The following TMEM25 variants were observed in gnomAD, a reference collection of about 807,000 sequenced individuals.
The protein encoded by TMEM25 is 0610039J01Rik.
Under a neutral mutation model 37.0 loss-of-function variants are expected in TMEM25, and 36 were observed. That is an observed-to-expected ratio of 0.97 (90% CI 0.75 to 1.28). TMEM25 has a LOEUF of 1.28. Among genes scored for constraint, TMEM25 ranks in the 50% most tolerant of loss-of-function variants. The pLI is 0.00. For missense variants in TMEM25, 444 were observed against 477.9 expected, an observed-to-expected ratio of 0.93 and a Z score of 0.66; for synonymous variants, 197 against 203.7, an observed-to-expected ratio of 0.97 and a Z score of 0.28.
chr11:118,531,455 G>T, intron 1 of TMEM25: 1 of 469,346 alleles, frequency 2.1e-6, no homozygotes. Flanking sequence ...GGGGCGCGTG[G>T]AGTATGTGTG....
chr11:118,532,478 TG>T lies in TMEM25; in HGVS notation c.382+20del. On this transcript the variant is annotated intron_variant, in intron 3 of 8. Coordinates refer to ENST00000313236, the MANE Select transcript of TMEM25 (RefSeq NM_032780.4). Reference sequence around the variant, plus strand: ...ATGTGCAATGTGAGTGGCCCTGAGGTGGGCAGGGAGATAGGTTCTTTGCCCA... The same window carrying T: ...ATGTGCAATGTGAGTGGCCCTGAGGTGGCAGGGAGATAGGTTCTTTGCCCA... The T allele has an allele frequency of 6.3e-7, 1 of 1,593,830 alleles. No individual in the cohort carries two copies. The highest frequency in any genetic ancestry group is 8.6e-7 in the Non-Finnish European group (1 of 1,167,294).
downstream of TMEM25, among the ~76,000 whole-genome samples, chr11:118,538,752 G>T (rs1555064458): frequency 6.6e-6 from 1 of 151,942 alleles, no homozygotes; most frequent in East Asian, 1.9e-4. Context: ...AAATAGCTGG[G>T]CATGGTGGCA....
In TMEM25 at chr11:118,534,330, G is replaced by C; in HGVS notation, c.1002G>C (p.Glu334Asp). Residue 334 changes from glutamate to aspartate, a missense_variant, in exon 8 of 9, where the codon GAG becomes GAC. By Grantham distance (45) the Glu-to-Asp change is conservative. Coordinates refer to ENST00000313236, the MANE Select transcript of TMEM25 (RefSeq NM_032780.4). This position sits in a 1 kb window ranked among gnomAD's most constrained non-coding sequence, Gnocchi z 4.6. ...GCCGGCCAGAGCTTCTGGACCCGGA[G>C]CCCGGCGGCCTCCTCACCAGCCAAG... ...NNSRPELLDP[E>D]PGGLLTSQGF... 6.2e-7 allele frequency: 1 copy of C among 1,614,062 alleles called. No individual in the cohort carries two copies. The highest frequency in any genetic ancestry group is 8.5e-7 in the Non-Finnish European group (1 of 1,179,988).
chr11:118,532,752 TA>T, intron 3 of TMEM25, 164 bp from the exon 4 acceptor site: 1 of 1,019,586 alleles, frequency 9.8e-7, no homozygotes, highest in Non-Finnish European at 1.4e-6. Context: ...TTTACACTCA[TA>T]ATCACTCCGA....
At chr11:118,540,411 C>A (rs1029320245), downstream of TMEM25, among the ~76,000 whole-genome samples, 1 of 152,192 alleles carries the variant, frequency 6.6e-6, no homozygotes, top group Non-Finnish European at 1.5e-5. Context: ...GAGCTCCTTG[C>A]CACTCCAAAA....
rs1555063008 is a variant in TMEM25 at position 118,535,640 on chromosome 11, A to G, written c.*1060A>G. 2.0e-6 allele frequency: 3 copies of G among 1,522,164 alleles called. No homozygotes were observed. Among genetic ancestry groups the G allele is most frequent in the African/African-American group, 2.8e-5 (2 of 72,718 alleles). The allele number at this position is 1,522,164 out of a possible 1,614,324, so 94.3% of individuals were successfully genotyped here. ...GTGTGGAAGCTTTAGGGGAACATGG[A>G]GAAAGAAGGAGACCACATACCCCAA... On this transcript the variant is annotated 3_prime_UTR_variant, in exon 9 of 9. Transcript: ENST00000313236.
intron 8 of TMEM25, chr11:118,545,795 C>T (rs1951669005): frequency 6.2e-7 from 1 of 1,614,014 alleles, no homozygotes; most frequent in Non-Finnish European, 8.5e-7. Context: ...GAACTCACCA[C>T]AGATCATGTC....
At position 118,533,056 on chromosome 11, in the gene TMEM25, C is replaced by G; in HGVS notation, c.522C>G (p.Val174=). Residue 174 remains valine (V), a synonymous_variant, in exon 4 of 9, where the codon GTC becomes GTG. Coordinates refer to ENST00000313236, the MANE Select transcript of TMEM25 (RefSeq NM_032780.4). The part of the protein sequence containing the change: ...TWIDQDGPVT[V]NTSDFLVLDA... The stretch of plus-strand genomic sequence containing the variant: ...TCGACCAGGATGGGCCAGTGACTGT[C>G]AACACCTCTGACTTCCTGGTGCTGG... 6.2e-7 allele frequency: 1 copy of G among 1,614,184 alleles called. No individual in the cohort carries two copies. The highest frequency in any genetic ancestry group is 2.2e-5 in the East Asian group (1 of 44,862).
chr11:118,546,474 A>T, exon 9 of TMEM25: 1 of 262,856 alleles, frequency 3.8e-6, no homozygotes, highest in African/African-American at 2.2e-5. Context: ...CTGGGCATAG[A>T]GTAATACCCT....
In TMEM25 at chr11:118,533,901, G is replaced by A. The variant is rs1951416392; in HGVS notation, c.836+14G>A. On this transcript the variant is annotated intron_variant, in intron 6 of 8. Coordinates refer to ENST00000313236, the MANE Select transcript of TMEM25 (RefSeq NM_032780.4). ...TCTGATATCAAGGTAACTCTTCCTT[G>A]GGCTGGGTGGACAAGCCTAACCGAA... 1 of 1,614,114 alleles carries A rather than the reference G, an allele frequency of 6.2e-7. No homozygotes were observed. Among genetic ancestry groups the A allele is most frequent in the Middle Eastern group, 1.7e-4 (1 of 6,060 alleles).
chr11:118,538,182 A>T (rs1390459741), downstream of TMEM25, among the ~76,000 whole-genome samples: 1 of 151,700 alleles, frequency 6.6e-6, no homozygotes, highest in Non-Finnish European at 1.5e-5. Context: ...TTATTTGTTT[A>T]TTTTTTTGAG....
intron 8 of TMEM25, chr11:118,544,883 G>A (rs1555066617): frequency 1.3e-6 from 2 of 1,493,162 alleles, no homozygotes; most frequent in Non-Finnish European, 1.9e-6. Context: ...AGAGGGGCCA[G>A]CTCAGCCTTG....
intron 8 of TMEM25, among the ~76,000 whole-genome samples, chr11:118,544,149 C>T (rs1348251218): frequency 6.6e-6 from 1 of 152,172 alleles, no homozygotes; most frequent in East Asian, 1.9e-4. Flanking sequence ...TTTCAGACTT[C>T]CTGACTGGAG....
At chr11:118,543,796 T>C (rs1325680031) in intron 8 of TMEM25, among the ~76,000 whole-genome samples, 1 of 146,074 alleles carries the variant, frequency 6.8e-6, no homozygotes, top group Non-Finnish European at 1.5e-5. Context: ...CAATTCCCCA[T>C]ATTAAACACC....
At chr11:118,533,625 G>T in intron 5 of TMEM25, 74 bp downstream of exon 5, 3 of 1,609,024 alleles carry the variant, frequency 1.9e-6, no homozygotes, top group Non-Finnish European at 1.7e-6. Flanking sequence ...GTGCAGCTGG[G>T]CAGAACCAGT....
chr11:118,534,251 C>G lies in TMEM25; in HGVS notation c.938-15C>G. On this transcript the variant is annotated splice_polypyrimidine_tract_variant and intron_variant, in intron 7 of 8. Coordinates refer to ENST00000313236, the MANE Select transcript of TMEM25 (RefSeq NM_032780.4). This position sits in a 1 kb window ranked among gnomAD's most constrained non-coding sequence, Gnocchi z 4.6. ...CACACTCCTCGTCCTGAACACTGCC[C>G]TCTTTGTCAACCAGCAGTGAAACCA... 6.2e-7 allele frequency: 1 copy of G among 1,614,174 alleles called. No individual in the cohort carries two copies. Among genetic ancestry groups the G allele is most frequent in the Non-Finnish European group, 8.5e-7 (1 of 1,180,042 alleles).
chr11:118,534,712 G>T lies in TMEM25; in HGVS notation c.*132G>T. The T allele has an allele frequency of 6.7e-7, 1 of 1,485,808 alleles. No individual in the cohort carries two copies. The highest frequency in any genetic ancestry group is 1.8e-4 in the Middle Eastern group (1 of 5,702). The allele number at this position is 1,485,808 out of a possible 1,614,324, so 92.0% of individuals were successfully genotyped here. On this transcript the variant is annotated 3_prime_UTR_variant, in exon 9 of 9. Coordinates refer to ENST00000313236, the MANE Select transcript of TMEM25 (RefSeq NM_032780.4). This position sits in a 1 kb window ranked among gnomAD's most constrained non-coding sequence, Gnocchi z 4.6. ...CCACTTTTGCTTGCCCTCCTGGCTG[G>T]GGTGCCCTCCATGTCATGCACGTGA... is the stretch of plus-strand genomic sequence containing the variant.
At chr11:118,531,362 GGA>G (rs1951248729) in intron 1 of TMEM25, 128 bp downstream of exon 1, 7 of 339,988 alleles carry the variant, frequency 2.1e-5, no homozygotes, top group Non-Finnish European at 3.8e-5. Flanking sequence ...GCGAGGGATG[GGA>G]GAGAGAACAG....
chr11:118,536,327 G>T (rs1951509879), downstream of TMEM25, among the ~76,000 whole-genome samples: 1 of 151,884 alleles, frequency 6.6e-6, no homozygotes, highest in African/African-American at 2.4e-5. Context: ...CCAAGTAGCT[G>T]GGATTACAGG....
Sources: allele counts gnomAD v4.1 joint callset (sites outside exome capture counted in the v4.1 genomes callset), GRCh38; gene constraint gnomAD v4.1.1; non-coding constraint Gnocchi (gnomAD v3.1); transcripts MANE v1.5; gene names NCBI Gene and HGNC (gene_info 2026-07-23, HGNC 2026-07-21).